Variants in RHOBTB2 observed in about 807,000 individuals in gnomAD.
RHOBTB2 encodes rho-related BTB domain-containing protein 2.
In RHOBTB2, 39 loss-of-function variants were observed where a neutral mutation model predicts 66.5. The ratio of observed to expected loss-of-function variants is 0.59; its 90% CI spans 0.45 to 0.77. The LOEUF (loss-of-function observed/expected upper bound fraction) is 0.77. RHOBTB2 is among the 30% of genes least tolerant of loss of function. The pLI is 0.00. For missense variants in RHOBTB2, 755 were observed against 999.1 expected, an observed-to-expected ratio of 0.76 and a Z score of 3.29; for synonymous variants, 390 against 395.0, an observed-to-expected ratio of 0.99 and a Z score of 0.15.
At chr8:22,992,719 C>A (rs578006015) in intron 2 of RHOBTB2, among the ~76,000 whole-genome samples, 1 of 152,208 alleles carries the variant, frequency 6.6e-6, no homozygotes, top group Non-Finnish European at 1.5e-5. Context: ...CAGTGTTTCA[C>A]GTCATTAAGG....
In RHOBTB2 at chr8:23,017,530, T is replaced by C; in HGVS notation, c.*61T>C. ...TCCCCATCCGCCTTCACCCCTCTGC[T>C]CTTCCGCATCACCCCATCCACCTTA... is the stretch of plus-strand genomic sequence containing the variant. On this transcript the variant is annotated 3_prime_UTR_variant, in exon 10 of 10. Coordinates refer to ENST00000251822, the MANE Select transcript of RHOBTB2 (RefSeq NM_015178.3). This position sits in a 1 kb window ranked among gnomAD's most constrained non-coding sequence, Gnocchi z 5.3. 1 of 1,544,934 alleles carries C rather than the reference T, an allele frequency of 6.5e-7. No individual in the cohort carries two copies. Among genetic ancestry groups the C allele is most frequent in the Non-Finnish European group, 8.7e-7 (1 of 1,143,578 alleles).
At chr8:22,990,019 GC>G (rs1810386048) in intron 1 of RHOBTB2, among the ~76,000 whole-genome samples, 1 of 152,146 alleles carries the variant, frequency 6.6e-6, no homozygotes, top group African/African-American at 2.4e-5. Context: ...GGTAGTACAT[GC>G]AGCACAATCC....
At chr8:22,983,449 G>A (rs1810243469), upstream of RHOBTB2, among the ~76,000 whole-genome samples, 1 of 150,566 alleles carries the variant, frequency 6.6e-6, no homozygotes, top group South Asian at 2.1e-4. Context: ...CCAGGAGTTT[G>A]AGGTATGGCT....
At chr8:23,002,199 A>G (rs750150129) in intron 1 of RHOBTB2, among the ~76,000 whole-genome samples, 1 of 152,226 alleles carries the variant, frequency 6.6e-6, no homozygotes, top group Non-Finnish European at 1.5e-5. Flanking sequence ...TTTATCCTCC[A>G]GCTGCACATA....
At position 22,999,568 on chromosome 8, in the gene RHOBTB2, T is replaced by C. The variant is rs1810694587; in HGVS notation, c.-548T>C. The stretch of plus-strand genomic sequence containing the variant: ...TGGGCGGGGCCCGTCACGGCTGTCG[T>C]CTTGGGTGCGATTTTTTTCTCCTCC... On this transcript the variant is annotated 5_prime_UTR_variant, in exon 1 of 10. Coordinates refer to ENST00000251822, the MANE Select transcript of RHOBTB2 (RefSeq NM_015178.3). 1 of 1,212,574 alleles carries C rather than the reference T, an allele frequency of 8.2e-7. No individual in the cohort carries two copies. The highest frequency in any genetic ancestry group is 1.0e-6 in the Non-Finnish European group (1 of 957,454). The allele number at this position is 1,212,574 out of a possible 1,614,324, so 75.1% of individuals were successfully genotyped here. A position where few individuals can be genotyped will look rare whatever the true frequency, so the allele number is the denominator to read the frequency against.
the RHOBTB2 span, among the ~76,000 whole-genome samples, chr8:22,955,742 A>C: frequency 5.3e-5 from 8 of 151,796 alleles, no homozygotes. Context: ...ACTAATTTAT[A>C]AATTATTTGT....
At chr8:22,956,102 T>C in the RHOBTB2 span, among the ~76,000 whole-genome samples, 1 of 152,200 alleles carries the variant, frequency 6.6e-6, no homozygotes, top group Non-Finnish European at 1.5e-5. Flanking sequence ...TTCAGAGAAG[T>C]TACACAAACA....
At chr8:22,988,644 C>A (rs1810346897) in intron 1 of RHOBTB2, among the ~76,000 whole-genome samples, 2 of 152,276 alleles carry the variant, frequency 1.3e-5, no homozygotes, top group Non-Finnish European at 2.9e-5. Context: ...CTTTCTGTAG[C>A]CACACTTGGC....
In RHOBTB2 at chr8:23,006,131, G is replaced by A. The variant is rs1450186586; in HGVS notation, c.468G>A (p.Arg156=). Residue 156 remains arginine (R), a synonymous_variant, in exon 4 of 10, where the codon AGG becomes AGA. Coordinates refer to ENST00000251822, the MANE Select transcript of RHOBTB2 (RefSeq NM_015178.3). The surrounding 1 kb of genome is among the most constrained non-coding windows in gnomAD (Gnocchi z 6.1). ...YADLEAVNRA[R]RPLARPIKPN... ...ACCTGGAGGCTGTCAACAGGGCTAG[G>A]CGACCCTTGGCTAGGTAGGAGGTGC... 6.2e-7 allele frequency: 1 copy of A among 1,612,906 alleles called. No individual in the cohort carries two copies. The highest frequency in any genetic ancestry group is 2.2e-5 in the East Asian group (1 of 44,878).
At chr8:22,965,463 C>T in the RHOBTB2 span, among the ~76,000 whole-genome samples, 2 of 152,100 alleles carry the variant, frequency 1.3e-5, no homozygotes, top group Non-Finnish European at 1.5e-5. Context: ...AGGGGACCCC[C>T]GAATAGCCAC....
rs534199245 is a variant in RHOBTB2 at position 23,012,276 on chromosome 8, G to A, written c.1771+1588G>A. ...CGTCATGGCAGGCAATTGAAAGCAAGTCACAGAAAAACCGTTGGTGAAGCA... is the reference window on the plus strand; with the variant it reads ...CGTCATGGCAGGCAATTGAAAGCAAATCACAGAAAAACCGTTGGTGAAGCA... On this transcript the variant is annotated intron_variant, in intron 7 of 9. Transcript: ENST00000251822. 5.3e-5 allele frequency among the ~76,000 whole-genome samples: 8 copies of A among 152,342 alleles called. No homozygotes were observed. In the South Asian group the frequency reaches 1.7e-3, roughly 32 times the overall value.
chr8:22,987,120 G>C (rs1325848889), upstream of RHOBTB2, among the ~76,000 whole-genome samples: 1 of 152,270 alleles, frequency 6.6e-6, no homozygotes, highest in Admixed American at 6.5e-5. Flanking sequence ...AGGCCAGTGA[G>C]TGAAATTCCA....
chr8:23,004,284 G>T lies in RHOBTB2; in HGVS notation c.-10-141G>T. ...CCCTCGCAGAGCTCTTGCCCAGAACGTTGCCCACTCCTTCCTCCTCCTGTC... is the reference window on the plus strand; with the variant it reads ...CCCTCGCAGAGCTCTTGCCCAGAACTTTGCCCACTCCTTCCTCCTCCTGTC... On this transcript the variant is annotated intron_variant, in intron 1 of 9. Transcript: ENST00000251822. This position sits in a 1 kb window ranked among gnomAD's most constrained non-coding sequence, Gnocchi z 6.4. The T allele has an allele frequency of 1.4e-6, 1 of 714,084 alleles. No homozygotes were observed. Among genetic ancestry groups the T allele is most frequent in the African/African-American group, 1.7e-5 (1 of 57,692 alleles). The allele number at this position is 714,084 out of a possible 1,614,324, so 44.2% of individuals were successfully genotyped here.
chr8:23,003,334 C>CT (rs756890028), intron 1 of RHOBTB2, among the ~76,000 whole-genome samples: 57 of 152,376 alleles, frequency 3.7e-4, no homozygotes, highest in Non-Finnish European at 7.5e-4. Context: ...CCATCCCTCT[C>CT]TGGGGGTGGA....
chr8:22,961,058 C>T, the RHOBTB2 span, among the ~76,000 whole-genome samples: 1 of 152,112 alleles, frequency 6.6e-6, no homozygotes, highest in Non-Finnish European at 1.5e-5. Context: ...GAACTGCAAC[C>T]TAACTTTTTT....
At chr8:22,961,261 A>G in the RHOBTB2 span, among the ~76,000 whole-genome samples, 4 of 152,162 alleles carry the variant, frequency 2.6e-5, no homozygotes, top group South Asian at 2.1e-4. Flanking sequence ...TACTTTTGTA[A>G]CAAATCTCCC....
Position 23,007,220 on chromosome 8 carries a change from ACACCACCACCAT to A in RHOBTB2, c.987_998del (p.His331_His334del). ...AGGACCACCAGGGCCACTCTGATCAACACCACCACCATCACCACCACCACCATGGGCGAGACT... is the reference window on the plus strand; with the variant it reads ...AGGACCACCAGGGCCACTCTGATCAACACCACCACCACCATGGGCGAGACT... On this transcript the variant is annotated inframe_deletion, in exon 5 of 10. Transcript: ENST00000251822. The A allele has an allele frequency of 6.2e-7, 1 of 1,608,338 alleles. No homozygotes were observed. Among genetic ancestry groups the A allele is most frequent in the Admixed American group, 1.7e-5 (1 of 59,902 alleles).
the RHOBTB2 span, among the ~76,000 whole-genome samples, chr8:22,967,881 G>A: frequency 6.6e-6 from 1 of 151,980 alleles, no homozygotes; most frequent in African/African-American, 2.4e-5. Context: ...ATGGGGCTGG[G>A]TGCCATGGCT....
chr8:23,006,630 G>T lies in RHOBTB2; in HGVS notation c.483-98G>T. On this transcript the variant is annotated intron_variant, in intron 4 of 9. Transcript: ENST00000251822. The surrounding 1 kb of genome is among the most constrained non-coding windows in gnomAD (Gnocchi z 6.1). ...GCAGGGCAGGAGTGGGTGGGGATTG[G>T]CACCCAGATCCTGAGCAGAGTCCCT... The T allele has an allele frequency of 8.2e-7, 1 of 1,215,538 alleles. No homozygotes were observed. Among genetic ancestry groups the T allele is most frequent in the Non-Finnish European group, 1.2e-6 (1 of 854,202 alleles). The allele number at this position is 1,215,538 out of a possible 1,614,324, so 75.3% of individuals were successfully genotyped here.
Sources: allele counts gnomAD v4.1 joint callset (sites outside exome capture counted in the v4.1 genomes callset), GRCh38; gene constraint gnomAD v4.1.1; non-coding constraint Gnocchi (gnomAD v3.1); transcripts MANE v1.5; gene names NCBI Gene and HGNC (gene_info 2026-07-23, HGNC 2026-07-21).